MEIS3: variants seen among roughly 807,000 people sequenced by gnomAD.
MEIS3 encodes homeobox protein Meis3.
In MEIS3, 38 loss-of-function variants were observed where a neutral mutation model predicts 51.4. The observed-to-expected ratio is 0.74, with a 90% CI of 0.57 to 0.97. The LOEUF is 0.97. Among genes scored for constraint, MEIS3 ranks in the 50% least tolerant of loss-of-function variants. MEIS3 has a pLI of 0.00. For synonymous variants in MEIS3, 198 were observed against 201.8 expected (o/e 0.98, Z 0.16); for missense variants, 456 against 502.6 (o/e 0.91, Z 0.89).
At chr19:47,420,940 A>ACACT (rs1187725467), upstream of MEIS3, among the ~76,000 whole-genome samples, 30 of 91,002 alleles carry the variant, frequency 3.3e-4, no homozygotes, top group East Asian at 1.2e-3. Flanking sequence ...ACACACACAC[A>ACACT]CTCTCTCTCT....
intron 12 of MEIS3, chr19:47,406,095 G>A (rs768025603): frequency 5.5e-6 from 1 of 180,524 alleles, no homozygotes; most frequent in Non-Finnish European, 1.2e-5. Context: ...GTGGGTTGGC[G>A]AGTGGAGAGA....
chr19:47,418,470 CCT>C (rs1374753455), intron 1 of MEIS3: 7 of 152,702 alleles, frequency 4.6e-5, no homozygotes, highest in Admixed American at 2.0e-4. Flanking sequence ...CGCCTCCTCC[CCT>C]GTCTTCTATC....
chr19:47,415,140 A>G, intron 4 of MEIS3, 39 bp from the exon 5 acceptor site: 1 of 642,510 alleles, frequency 1.6e-6, no homozygotes, highest in Non-Finnish European at 2.6e-6. Flanking sequence ...GACAGAGGGA[A>G]TTGGGGGAGG....
At position 47,414,777 on chromosome 19, in the gene MEIS3, G is replaced by A. The variant is rs760159194; in HGVS notation, c.537C>T (p.Asp179=). ...CCTCGAAGTCCTCCCTGCAGCCGCC[G>A]TCCCGATCCTCGATGACCAGGTCGA... The part of the protein sequence containing the change: ...MPIDLVIEDR[D]GGCREDFEDY... Residue 179 remains aspartate, a synonymous_variant, in exon 6 of 13, where the codon GAC becomes GAT. Transcript: ENST00000558555. The A allele has an allele frequency of 5.0e-6, 8 of 1,613,532 alleles. No individual in the cohort carries two copies. In the Admixed American group the frequency reaches 5.0e-5, roughly 10 times the overall value.
Position 47,406,488 on chromosome 19 carries a change from G to A in MEIS3, c.1117C>T (p.His373Tyr). ...TCCTGCATCAGCCTCTATAGATAAT[G>A]CCATTCTCCTTCCAAGTTCAAACTC... ...GMSLNLEGEW[H>Y]YL The change falls in exon 12 of 13, where the codon CAT (histidine) becomes TAT (tyrosine). Residue 373 changes from histidine to tyrosine, a missense_variant. His to Tyr is a moderately conservative substitution (Grantham distance 83). Coordinates refer to ENST00000558555, the MANE Select transcript of MEIS3 (RefSeq NM_001301059.2). 6.2e-7 allele frequency: 1 copy of A among 1,613,844 alleles called. No homozygotes were observed. Among genetic ancestry groups the A allele is most frequent in the Non-Finnish European group, 8.5e-7 (1 of 1,179,928 alleles).
intron 11 of MEIS3, among the ~76,000 whole-genome samples, 158 bp from the exon 12 acceptor site, chr19:47,406,684 C>T (rs770695127): frequency 3.3e-5 from 5 of 152,158 alleles, no homozygotes; most frequent in Admixed American, 6.5e-5. Context: ...TGGAGCCTTC[C>T]GAGGTATTGG....
At chr19:47,421,699 G>A (rs1186084984), upstream of MEIS3, among the ~76,000 whole-genome samples, 1 of 150,712 alleles carries the variant, frequency 6.6e-6, no homozygotes, top group Non-Finnish European at 1.5e-5. Context: ...CCTGGGCTAT[G>A]TCTGTCTGTC....
In MEIS3 at chr19:47,415,081, C is replaced by T; in HGVS notation, c.417G>A (p.Val139=). ...CCAGCTCCAGCAGGTGGAACCGCAG[C>T]ACCTGGATGGCCTGGATCATCTGAA... The part of the protein sequence containing the change: ...LDNLMIQAIQ[V]LRFHLLELEK... Residue 139 remains valine, a synonymous_variant, in exon 5 of 13, where the codon GTG becomes GTA. Transcript: ENST00000558555. The T allele has an allele frequency of 6.5e-7, 1 of 1,547,554 alleles. No homozygotes were observed. The highest frequency in any genetic ancestry group is 1.2e-5 in the South Asian group (1 of 84,698).
intron 11 of MEIS3, 115 bp downstream of exon 11, chr19:47,406,773 A>T (rs772071693): frequency 3.9e-6 from 4 of 1,032,270 alleles, no homozygotes; most frequent in Non-Finnish European, 4.2e-6. Flanking sequence ...CCTGCTTCTC[A>T]CTAGGCAAGT....
At chr19:47,409,898 C>A (rs927384763) in intron 6 of MEIS3, among the ~76,000 whole-genome samples, 1 of 151,622 alleles carries the variant, frequency 6.6e-6, no homozygotes, top group African/African-American at 2.4e-5. Flanking sequence ...AGGCTTTGGG[C>A]ATGGACTCTG....
intron 6 of MEIS3, among the ~76,000 whole-genome samples, chr19:47,414,038 G>T (rs527311503): frequency 1.3e-5 from 2 of 152,088 alleles, no homozygotes; most frequent in Non-Finnish European, 2.9e-5. Context: ...CCCGGCCTGG[G>T]TTTGATTCTT....
chr19:47,405,012 A>G (rs1294823466), intron 12 of MEIS3, among the ~76,000 whole-genome samples: 1 of 152,210 alleles, frequency 6.6e-6, no homozygotes, highest in African/African-American at 2.4e-5. Flanking sequence ...CTAGGGAGCC[A>G]CAAATGGTTT....
At chr19:47,421,723 G>GTGTC (rs143641774), upstream of MEIS3, among the ~76,000 whole-genome samples, 24,973 of 149,048 alleles carry the variant, frequency 0.17, 4,154 homozygotes, top group African/African-American at 0.43. Context: ...CACCTGGGCT[G>GTGTC]TGTCTGTCTG....
At position 47,419,123 on chromosome 19, in the gene MEIS3, G is replaced by A. The variant is rs1971605581; in HGVS notation, c.-42C>T. The A allele has an allele frequency of 1.1e-5, 13 of 1,229,320 alleles. No individual in the cohort carries two copies. Among genetic ancestry groups the A allele is most frequent in the Non-Finnish European group, 1.3e-5 (13 of 985,946 alleles). The allele number at this position is 1,229,320 out of a possible 1,614,324, so 76.2% of individuals were successfully genotyped here. ...CAGCTCCTGGGTCCCTCCAGAGCCT[G>A]GCCGCGGGGGAGGGCGCAGCCCGGG... On this transcript the variant is annotated 5_prime_UTR_variant, in exon 1 of 13. Coordinates refer to ENST00000558555, the MANE Select transcript of MEIS3 (RefSeq NM_001301059.2).
chr19:47,416,508 C>A (rs931843220), intron 4 of MEIS3, 144 bp downstream of exon 4: 3 of 695,124 alleles, frequency 4.3e-6, no homozygotes, highest in African/African-American at 3.6e-5. Flanking sequence ...CTGTACCACA[C>A]GGCACGTGGG....
At chr19:47,405,748 C>T (rs1234969042) in intron 12 of MEIS3, among the ~76,000 whole-genome samples, 1 of 152,002 alleles carries the variant, frequency 6.6e-6, no homozygotes, top group East Asian at 1.9e-4. Flanking sequence ...CAGGGTTTTA[C>T]CATGTTGGCC....
Position 47,406,872 on chromosome 19 carries a change from A to G in MEIS3, c.1078+16T>C. 6.4e-7 allele frequency: 1 copy of G among 1,558,574 alleles called. No individual in the cohort carries two copies. Among genetic ancestry groups the G allele is most frequent in the African/African-American group, 1.4e-5 (1 of 73,810 alleles). Reference sequence around the variant, plus strand: ...GGTGCGCAGGGGCGGGGCCTAGCTAAGGGGGCGAGGCTTACCCGGAGGCCG... The same window carrying G: ...GGTGCGCAGGGGCGGGGCCTAGCTAGGGGGGCGAGGCTTACCCGGAGGCCG... On this transcript the variant is annotated intron_variant, in intron 11 of 12. Coordinates refer to ENST00000558555, the MANE Select transcript of MEIS3 (RefSeq NM_001301059.2).
intron 1 of MEIS3, 95 bp downstream of exon 1, chr19:47,418,967 AGAGGACGG>A: frequency 1.6e-6 from 1 of 636,052 alleles, no homozygotes; most frequent in Non-Finnish European, 2.2e-6. Context: ...GAGGTGGTGT[AGAGGACGG>A]ATGGGCTAAT....
chr19:47,414,409 T>G (rs1971288844), intron 6 of MEIS3, among the ~76,000 whole-genome samples: 1 of 152,038 alleles, frequency 6.6e-6, no homozygotes, highest in African/African-American at 2.4e-5. Context: ...TGGACGCTAC[T>G]GTCTGGCTGT....
Sources: gnomAD v4.1 joint callset for allele counts (sites outside exome capture counted in the v4.1 genomes callset) on GRCh38, gnomAD v4.1.1 for gene constraint, MANE v1.5 for transcripts, NCBI Gene and HGNC (gene_info 2026-07-23, HGNC 2026-07-21) for gene names.